CELF2: variants seen among roughly 807,000 people sequenced by gnomAD.
CELF2 encodes CUG triplet repeat RNA-binding protein 2.
A neutral mutation model predicts 62.6 loss-of-function variants in CELF2; 8 were observed. The ratio of observed to expected loss-of-function variants is 0.13; its 90% CI spans 0.07 to 0.23. The LOEUF (loss-of-function observed/expected upper bound fraction) is 0.23, where lower values mean the gene tolerates loss of function less well. Among genes scored for constraint, CELF2 ranks in the 10% least tolerant of loss-of-function variants. The pLI is 1.00. For missense variants in CELF2, 333 were observed against 671.0 expected (o/e 0.50, Z 5.56); for synonymous variants, 258 against 250.0 (o/e 1.03, Z -0.30).
In CELF2 at chr10:11,245,296, A is replaced by C. The variant is rs537643161; in HGVS notation, c.355-3857A>C. Among the ~76,000 whole-genome samples the C allele has an allele frequency of 8.7e-4, 132 of 152,064 alleles. 2 individuals are homozygous for C. Among genetic ancestry groups the C allele is most frequent in the Non-Finnish European group, 1.7e-3 (115 of 67,996 alleles). ...ATTATGACAATGACTCCTCCCACCC[A>C]TTTTTTTGTCTTCCTTGACATTTAC... is the stretch of plus-strand genomic sequence containing the variant. On this transcript the variant is annotated intron_variant, in intron 3 of 12. Transcript: ENST00000633077.
At chr10:10,722,612 G>A in the CELF2 span, among the ~76,000 whole-genome samples, 1 of 152,238 alleles carries the variant, frequency 6.6e-6, no homozygotes, top group East Asian at 1.9e-4. Context: ...AAAAACTTCT[G>A]CTCTTTTCAA....
chr10:10,954,674 G>A (rs934924407), intron 2 of CELF2, among the ~76,000 whole-genome samples: 7 of 152,266 alleles, frequency 4.6e-5, no homozygotes, highest in South Asian at 2.1e-4. Context: ...ATCCTGCACC[G>A]TTTGTAGAAG....
In CELF2 at chr10:11,091,765, A is replaced by T. The variant is rs549580289; in HGVS notation, c.74+73602A>T. On this transcript the variant is annotated intron_variant, in intron 1 of 12. Transcript: ENST00000633077. ...GGGAAAGGCAAGCAATAAAATTACC[A>T]TGAATGACTAAACATGAACTTACCA... 3.9e-5 allele frequency among the ~76,000 whole-genome samples: 6 copies of T among 152,338 alleles called. No homozygotes were observed. In the South Asian group the frequency reaches 1.2e-3, roughly 32 times the overall value.
chr10:10,935,909 T>C (rs2046333912), intron 2 of CELF2, among the ~76,000 whole-genome samples: 1 of 151,588 alleles, frequency 6.6e-6, no homozygotes, highest in African/African-American at 2.4e-5. Context: ...CCCAACACTT[T>C]GGGAGGCCAA....
intron 1 of CELF2, among the ~76,000 whole-genome samples, chr10:10,851,322 G>A (rs1322669479): frequency 2.0e-5 from 3 of 152,174 alleles, no homozygotes; most frequent in Non-Finnish European, 2.9e-5. Context: ...AATGTTCAGA[G>A]CAGCTTTTTG....
In CELF2 at chr10:11,302,838, C is replaced by G. The variant is rs376667357; in HGVS notation, c.977-11301C>G. On this transcript the variant is annotated intron_variant, in intron 9 of 12. Coordinates refer to ENST00000633077, the MANE Select transcript of CELF2 (RefSeq NM_001326342.2). This position sits in a 1 kb window ranked among gnomAD's most constrained non-coding sequence, Gnocchi z 5.0. ...GTGCTGCGGACAGTGGAAGTTGGAG[C>G]CTTCACCAGAGTTCTGCCTGGAAGC... 5.3e-5 allele frequency among the ~76,000 whole-genome samples: 8 copies of G among 152,308 alleles called. 1 individual carries two copies. The South Asian group carries it at 1.7e-3, about 32-fold the overall frequency.
At chr10:11,031,261 TAAGTAGGCA>T (rs1296370557) in intron 1 of CELF2, among the ~76,000 whole-genome samples, 2 of 152,200 alleles carry the variant, frequency 1.3e-5, no homozygotes, top group African/African-American at 4.8e-5. Context: ...GTAGGCCTCG[TAAGTAGGCA>T]ATAGAATAAA....
intron 2 of CELF2, among the ~76,000 whole-genome samples, chr10:11,184,499 A>T (rs1254276976): frequency 1.3e-5 from 2 of 152,324 alleles, no homozygotes; most frequent in East Asian, 3.9e-4. Flanking sequence ...GAAATTTGTC[A>T]TCTTAGCAAT....
chr10:11,185,295 C>G (rs1400450173), intron 2 of CELF2, among the ~76,000 whole-genome samples: 1 of 152,128 alleles, frequency 6.6e-6, no homozygotes, highest in African/African-American at 2.4e-5. Flanking sequence ...TTGTCTTAGC[C>G]TCCCAAAGTG....
rs545220595 is a variant in CELF2 at position 10,808,588 on chromosome 10, C to T, written c.53+9771C>T. 3.0e-4 allele frequency among the ~76,000 whole-genome samples: 46 copies of T among 152,210 alleles called. No individual in the cohort carries two copies. The South Asian group carries it at 9.1e-3, about 30-fold the overall frequency. On this transcript the variant is annotated intron_variant, in intron 1 of 13. Coordinates refer to the CELF2 transcript ENST00000636488. ...GGATCACAGGTCACTGCGAAACAAT[C>T]CTTAGTTAAGTATCTAACCAATGTG... is the stretch of plus-strand genomic sequence containing the variant.
At chr10:10,619,700 T>G in the CELF2 span, among the ~76,000 whole-genome samples, 1 of 152,194 alleles carries the variant, frequency 6.6e-6, no homozygotes, top group Non-Finnish European at 1.5e-5. Context: ...GAAAACGTCG[T>G]ATTATCAACA....
intron 1 of CELF2, among the ~76,000 whole-genome samples, chr10:11,060,042 AATGC>A (rs2066347203): frequency 6.6e-6 from 1 of 152,230 alleles, no homozygotes; most frequent in Admixed American, 6.5e-5. Flanking sequence ...TTGTGCTCAA[AATGC>A]AAGAGGAAGA....
rs964851207 is a variant in CELF2 at position 11,328,702 on chromosome 10, A to C, written c.1439-224A>C. On this transcript the variant is annotated intron_variant, in intron 12 of 12. Transcript: ENST00000633077. The surrounding 1 kb of genome is among the most constrained non-coding windows in gnomAD (Gnocchi z 6.4). ...TGTTGTGGGGAGGGGTGTGTGCTCCATGATGCCACATTTCCAGTCCAGCCA... is the reference window on the plus strand; with the variant it reads ...TGTTGTGGGGAGGGGTGTGTGCTCCCTGATGCCACATTTCCAGTCCAGCCA... Among the ~76,000 whole-genome samples the C allele has an allele frequency of 6.6e-6, 1 of 152,192 alleles. No individual in the cohort carries two copies. The highest frequency in any genetic ancestry group is 1.5e-5 in the Non-Finnish European group (1 of 68,030).
At chr10:11,106,659 A>G (rs1411672026) in intron 1 of CELF2, among the ~76,000 whole-genome samples, 2 of 152,266 alleles carry the variant, frequency 1.3e-5, no homozygotes, top group Non-Finnish European at 2.9e-5. Context: ...TTTGAAGTAG[A>G]TATTTTAAGC....
At position 11,098,204 on chromosome 10, in the gene CELF2, A is replaced by T. The variant is rs41301103; in HGVS notation, c.75-67282A>T. On this transcript the variant is annotated intron_variant, in intron 1 of 12. Transcript: ENST00000633077. This position sits in a 1 kb window ranked among gnomAD's most constrained non-coding sequence, Gnocchi z 4.0. ...GGATTGGATGGACCAAGTGAAGGAC[A>T]GTCTTAGGACGGGGACAAAGAGTCT... is the stretch of plus-strand genomic sequence containing the variant. 6.6e-6 allele frequency: 1 copy of T among 152,512 alleles called. No individual in the cohort carries two copies. Among genetic ancestry groups the T allele is most frequent in the Non-Finnish European group, 1.5e-5 (1 of 68,172 alleles). The allele number at this position is 152,512 out of a possible 1,614,324, so 9.4% of individuals were successfully genotyped here. A position where few individuals can be genotyped will look rare whatever the true frequency, so the allele number is the denominator to read the frequency against.
intron 2 of CELF2, among the ~76,000 whole-genome samples, chr10:10,944,003 G>C (rs1327917368): frequency 6.6e-6 from 1 of 152,142 alleles, no homozygotes. Context: ...AAGGCAAGCT[G>C]AGTCCATACT....
chr10:10,474,421 GA>G, the CELF2 span, among the ~76,000 whole-genome samples: 2 of 152,088 alleles, frequency 1.3e-5, no homozygotes, highest in African/African-American at 2.4e-5. Context: ...ACAAACTGTA[GA>G]AAGCCAAAAA....
chr10:11,120,513 C>T (rs561544904), intron 1 of CELF2, among the ~76,000 whole-genome samples: 1 of 152,338 alleles, frequency 6.6e-6, no homozygotes, highest in South Asian at 2.1e-4. Flanking sequence ...CAACAACCCA[C>T]ACCATCTATG....
At chr10:10,561,809 A>AG in the CELF2 span, among the ~76,000 whole-genome samples, 2 of 152,146 alleles carry the variant, frequency 1.3e-5, no homozygotes, top group Non-Finnish European at 2.9e-5. Context: ...GGTGTCTTCT[A>AG]GGACGGACAG....
Sources: gnomAD v4.1 joint callset for allele counts (sites outside exome capture counted in the v4.1 genomes callset) on GRCh38, gnomAD v4.1.1 for gene constraint, Gnocchi (gnomAD v3.1) non-coding constraint, MANE v1.5 for transcripts, NCBI Gene and HGNC (gene_info 2026-07-23, HGNC 2026-07-21) for gene names.